Variants in CD58 observed in about 807,000 individuals in gnomAD.
CD58 encodes lymphocyte function-associated antigen 3.
A neutral mutation model predicts 27.6 loss-of-function variants in CD58; 14 were observed. The observed-to-expected ratio is 0.51, with a 90% CI of 0.34 to 0.79. The LOEUF (loss-of-function observed/expected upper bound fraction) is 0.79, where lower values mean the gene tolerates loss of function less well. CD58 is among the 30% of genes least tolerant of loss of function. The probability of loss-of-function intolerance (pLI) is 0.02; values close to 1 mark genes in which losing one functional copy is unlikely to be tolerated. For synonymous variants in CD58, 117 were observed against 103.8 expected, an observed-to-expected ratio of 1.13 and a Z score of -0.77; for missense variants, 268 against 301.7, an observed-to-expected ratio of 0.89 and a Z score of 0.83.
rs963668550 is a variant in CD58, at chr1:116,519,397, T to C, written c.707-130A>G. On this transcript the variant is annotated intron_variant, in intron 4 of 5. Coordinates refer to ENST00000369489, the MANE Select transcript of CD58 (RefSeq NM_001779.3). The surrounding 1 kb of genome is among the most constrained non-coding windows in gnomAD (Gnocchi z 4.7). Reference sequence around the variant, plus strand: ...AGAGCCCCATCACCCTGGGATTTCCTGCTATCCTATATGCTTTAAATCAAA... The same window carrying C: ...AGAGCCCCATCACCCTGGGATTTCCCGCTATCCTATATGCTTTAAATCAAA... The C allele has an allele frequency of 1.3e-6, 1 of 793,606 alleles. No individual in the cohort carries two copies. Among genetic ancestry groups the C allele is most frequent in the Admixed American group, 2.0e-5 (1 of 49,660 alleles). The allele number at this position is 793,606 out of a possible 1,614,324, so 49.2% of individuals were successfully genotyped here. A position where few individuals can be genotyped will look rare whatever the true frequency, so the allele number is the denominator to read the frequency against.
In CD58 at chr1:116,524,545, G is replaced by A. The variant is rs1657371565; in HGVS notation, c.629-2562C>T. Among the ~76,000 whole-genome samples, 1 of 152,134 alleles carries A rather than the reference G, an allele frequency of 6.6e-6. No homozygotes were observed. Among genetic ancestry groups the A allele is most frequent in the South Asian group, 2.1e-4 (1 of 4,820 alleles). On this transcript the variant is annotated intron_variant, in intron 3 of 5. Coordinates refer to ENST00000369489, the MANE Select transcript of CD58 (RefSeq NM_001779.3). The surrounding 1 kb of genome is among the most constrained non-coding windows in gnomAD (Gnocchi z 4.6). Reference sequence around the variant, plus strand: ...GACTAGAGAAACAGCAATTTCATATGGTTCAAATTAATACCTTTAAATAAA... The same window carrying A: ...GACTAGAGAAACAGCAATTTCATATAGTTCAAATTAATACCTTTAAATAAA...
In CD58 at chr1:116,519,050, T is replaced by C. The variant is rs541883244; in HGVS notation, c.743+181A>G. ...GAAACGATATGCAGAGAGTGGCTAGTGCAGTGCATGGCACACAGTTGGTAC... is the reference window on the plus strand; with the variant it reads ...GAAACGATATGCAGAGAGTGGCTAGCGCAGTGCATGGCACACAGTTGGTAC... On this transcript the variant is annotated intron_variant, in intron 5 of 5. Coordinates refer to ENST00000369489, the MANE Select transcript of CD58 (RefSeq NM_001779.3). The surrounding 1 kb of genome is among the most constrained non-coding windows in gnomAD (Gnocchi z 4.7). 29 of 1,312,294 alleles carry C rather than the reference T, an allele frequency of 2.2e-5. No homozygotes were observed. Among genetic ancestry groups the C allele is most frequent in the Non-Finnish European group, 3.0e-5 (29 of 982,544 alleles). 81.3% of individuals were successfully genotyped at this position (1,312,294 alleles called of 1,614,324 possible). A position where few individuals can be genotyped will look rare whatever the true frequency, so the allele number is the denominator to read the frequency against.
At chr1:116,553,493 AAGG>A (rs1235096048) in intron 1 of CD58, among the ~76,000 whole-genome samples, 1 of 152,126 alleles carries the variant, frequency 6.6e-6, no homozygotes, top group Non-Finnish European at 1.5e-5. Context: ...ATATGGGGTA[AAGG>A]AGGAGGAGAG....
rs1430379922 is a variant in CD58 at position 116,536,180 on chromosome 1, A to G, written c.413T>C (p.Ile138Thr). 3 of 1,613,284 alleles carry G rather than the reference A, an allele frequency of 1.9e-6. No homozygotes were observed. Among genetic ancestry groups the G allele is most frequent in the South Asian group, 1.1e-5 (1 of 91,064 alleles). The change falls in exon 3 of 6, where the codon ATT (isoleucine) becomes ACT (threonine). Residue 138 changes from isoleucine (I) to threonine (T), a missense_variant. Transcript: ENST00000369489. The surrounding 1 kb of genome is among the most constrained non-coding windows in gnomAD (Gnocchi z 5.4). ...CTCTGGTATCATGCATTGGACTTCA[A>G]TGCTTCCATTAGTCAATGCACAAGT... ...TLTCALTNGS[I>T]EVQCMIPEHY...
chr1:116,517,038 G>A lies in CD58; in HGVS notation c.743+2193C>T, dbSNP rs985184658. Among the ~76,000 whole-genome samples the A allele has an allele frequency of 6.6e-6, 1 of 152,036 alleles. No individual in the cohort carries two copies. The highest frequency in any genetic ancestry group is 2.4e-5 in the African/African-American group (1 of 41,412). ...CAGAGGAAGGGATGAGTTCCAGAAT[G>A]CCCATCCCCTTTCCCCGTGGCCCTG... On this transcript the variant is annotated intron_variant, in intron 5 of 5. Coordinates refer to ENST00000369489, the MANE Select transcript of CD58 (RefSeq NM_001779.3). This position sits in a 1 kb window ranked among gnomAD's most constrained non-coding sequence, Gnocchi z 6.5.
chr1:116,535,709 C>T (rs930095780), intron 3 of CD58, among the ~76,000 whole-genome samples: 26 of 129,920 alleles, frequency 2.0e-4, no homozygotes, highest in Non-Finnish European at 3.2e-4. Context: ...GGCGTGGTGG[C>T]GGGCGCCTGT....
At chr1:116,554,773 A>G (rs1350621967) in intron 1 of CD58, among the ~76,000 whole-genome samples, 1 of 152,170 alleles carries the variant, frequency 6.6e-6, no homozygotes, top group Non-Finnish European at 1.5e-5. Flanking sequence ...TTATAATATT[A>G]AAACTATGTA....
intron 3 of CD58, chr1:116,533,987 C>T (rs879085772): frequency 1.4e-6 from 2 of 1,399,588 alleles, no homozygotes; most frequent in East Asian, 2.3e-5. Context: ...GCCAAAACTC[C>T]AGGATTCTGC....
At chr1:116,525,147 G>A (rs562279838) in intron 3 of CD58, among the ~76,000 whole-genome samples, 15 of 152,218 alleles carry the variant, frequency 9.9e-5, no homozygotes, top group Middle Eastern at 3.4e-3. Flanking sequence ...TAATAACATC[G>A]TTACAGTATC....
intron 3 of CD58, among the ~76,000 whole-genome samples, chr1:116,526,321 A>G (rs1657432547): frequency 6.6e-6 from 1 of 152,162 alleles, no homozygotes; most frequent in Non-Finnish European, 1.5e-5. Flanking sequence ...ATGGTTTTGC[A>G]TTTTACATTT....
In CD58 at chr1:116,532,888, A is replaced by G. The variant is rs960331177; in HGVS notation, c.628+3077T>C. The G allele has an allele frequency of 2.9e-5, 22 of 769,996 alleles. No individual in the cohort carries two copies. Among genetic ancestry groups the G allele is most frequent in the Non-Finnish European group, 3.9e-5 (18 of 459,202 alleles). The allele number at this position is 769,996 out of a possible 1,614,324, so 47.7% of individuals were successfully genotyped here. A position where few individuals can be genotyped will look rare whatever the true frequency, so the allele number is the denominator to read the frequency against. On this transcript the variant is annotated intron_variant, in intron 3 of 5. Transcript: ENST00000369489. This position sits in a 1 kb window ranked among gnomAD's most constrained non-coding sequence, Gnocchi z 5.1. ...GGCAAAGACTGAGGCCTCCCGCTAC[A>G]GGCCCGGAGTCGCGACAGCCGGTCT...
Position 116,570,723 on chromosome 1 carries a change from T to A in CD58, c.70+180A>T, listed in dbSNP as rs1160660144. ...CTGACTCCATGAGGGACACTGGCGA[T>A]GAAATAACAACTTTCTCTTCCTGAA... On this transcript the variant is annotated intron_variant, in intron 1 of 5. Transcript: ENST00000369489. This position sits in a 1 kb window ranked among gnomAD's most constrained non-coding sequence, Gnocchi z 6.4. 2.0e-5 allele frequency among the ~76,000 whole-genome samples: 3 copies of A among 152,040 alleles called. No individual in the cohort carries two copies. Among genetic ancestry groups the A allele is most frequent in the African/African-American group, 7.2e-5 (3 of 41,394 alleles).
At position 116,517,403 on chromosome 1, in the gene CD58, C is replaced by T. The variant is rs1233714166; in HGVS notation, c.743+1828G>A. 6.6e-6 allele frequency among the ~76,000 whole-genome samples: 1 copy of T among 152,164 alleles called. No homozygotes were observed. Among genetic ancestry groups the T allele is most frequent in the Non-Finnish European group, 1.5e-5 (1 of 68,036 alleles). ...TTCCTTGCCCCCAGGCCTCCTGCCA[C>T]AGCTTGTTTCTCCTGCACTGTTCCA... On this transcript the variant is annotated intron_variant, in intron 5 of 5. Transcript: ENST00000369489. The surrounding 1 kb of genome is among the most constrained non-coding windows in gnomAD (Gnocchi z 6.5).
intron 1 of CD58, among the ~76,000 whole-genome samples, chr1:116,553,243 C>T (rs1420323910): frequency 6.6e-6 from 1 of 151,338 alleles, no homozygotes; most frequent in Non-Finnish European, 1.5e-5. Flanking sequence ...TCAAATACAG[C>T]CTTTGCCTAT....
chr1:116,547,359 C>T (rs1658217821), intron 1 of CD58, among the ~76,000 whole-genome samples: 1 of 148,896 alleles, frequency 6.7e-6, no homozygotes, highest in South Asian at 2.1e-4. Flanking sequence ...CAGAGTCTCG[C>T]TCTGTCCCCA....
At chr1:116,551,650 C>T (rs1658397092) in intron 1 of CD58, among the ~76,000 whole-genome samples, 2 of 151,178 alleles carry the variant, frequency 1.3e-5, no homozygotes, top group Admixed American at 6.6e-5. Context: ...CCTTCAAGAA[C>T]TTTTCCTTTG....
rs1404198996 is a variant in CD58 at position 116,532,882 on chromosome 1, C to G, written c.628+3083G>C. 6 of 738,396 alleles carry G rather than the reference C, an allele frequency of 8.1e-6. No homozygotes were observed. Among genetic ancestry groups the G allele is most frequent in the African/African-American group, 1.7e-5 (1 of 57,266 alleles). The allele number at this position is 738,396 out of a possible 1,614,324, so 45.7% of individuals were successfully genotyped here. On this transcript the variant is annotated intron_variant, in intron 3 of 5. Transcript: ENST00000369489. The surrounding 1 kb of genome is among the most constrained non-coding windows in gnomAD (Gnocchi z 5.1). ...GCATGCGGCAAAGACTGAGGCCTCCCGCTACAGGCCCGGAGTCGCGACAGC... is the reference window on the plus strand; with the variant it reads ...GCATGCGGCAAAGACTGAGGCCTCCGGCTACAGGCCCGGAGTCGCGACAGC...
chr1:116,532,937 TA>T lies in CD58; in HGVS notation c.628+3027del. The stretch of plus-strand genomic sequence containing the variant: ...CTGCCAGGCGCCCACCTCCACTTCC[TA>T]CTGCTGCTTGCATTCCGCCGGCTGG... On this transcript the variant is annotated intron_variant, in intron 3 of 5. Coordinates refer to ENST00000369489, the MANE Select transcript of CD58 (RefSeq NM_001779.3). This position sits in a 1 kb window ranked among gnomAD's most constrained non-coding sequence, Gnocchi z 5.1. 9.3e-7 allele frequency: 1 copy of T among 1,072,988 alleles called. No individual in the cohort carries two copies. Among genetic ancestry groups the T allele is most frequent in the Non-Finnish European group, 1.4e-6 (1 of 731,620 alleles). 66.5% of individuals were successfully genotyped at this position (1,072,988 alleles called of 1,614,324 possible).
At chr1:116,520,153 G>A (rs1017088689) in intron 4 of CD58, among the ~76,000 whole-genome samples, 5 of 152,138 alleles carry the variant, frequency 3.3e-5, no homozygotes, top group Non-Finnish European at 7.3e-5. Flanking sequence ...TTGAGACAGG[G>A]TCTCACTCCA....
Sources: allele counts gnomAD v4.1 joint callset (sites outside exome capture counted in the v4.1 genomes callset), GRCh38; gene constraint gnomAD v4.1.1; non-coding constraint Gnocchi (gnomAD v3.1); transcripts MANE v1.5; gene names NCBI Gene and HGNC (gene_info 2026-07-23, HGNC 2026-07-21).